YAP1: variants seen among roughly 807,000 people sequenced by gnomAD.
YAP1 encodes the protein transcriptional coactivator YAP1.
Under a neutral mutation model 56.9 loss-of-function variants are expected in YAP1, and 5 were observed. That is an observed-to-expected ratio of 0.09 (90% CI 0.05 to 0.18). YAP1 has a LOEUF of 0.18. YAP1 is among the 10% of genes least tolerant of loss of function. The pLI, the probability that YAP1 is intolerant of heterozygous loss-of-function variation, is 1.00. For missense variants in YAP1, 539 were observed against 651.8 expected (o/e 0.83, Z 1.88); for synonymous variants, 265 against 248.1 (o/e 1.07, Z -0.64).
At chr11:102,151,603 A>G (rs1423862853) in intron 2 of YAP1, among the ~76,000 whole-genome samples, 1 of 152,158 alleles carries the variant, frequency 6.6e-6, no homozygotes, top group Non-Finnish European at 1.5e-5. Context: ...GATCTTTCCC[A>G]CTAGAAGATA....
intron 4 of YAP1, among the ~76,000 whole-genome samples, chr11:102,200,643 C>T (rs2135571659): frequency 6.6e-6 from 1 of 152,088 alleles, no homozygotes; most frequent in East Asian, 1.9e-4. Context: ...TAGGGTTTCA[C>T]CATTTTGGTC....
chr11:102,195,408 A>T (rs554872852), intron 4 of YAP1, among the ~76,000 whole-genome samples: 2 of 152,316 alleles, frequency 1.3e-5, no homozygotes, highest in South Asian at 4.1e-4. Context: ...GTATTTTTGA[A>T]CAGCTAAAGA....
chr11:102,221,270 AT>A (rs1418657004), intron 6 of YAP1, among the ~76,000 whole-genome samples: 1 of 152,220 alleles, frequency 6.6e-6, no homozygotes. Context: ...CAGGCAAACA[AT>A]TTTGGCATTT....
intron 2 of YAP1, among the ~76,000 whole-genome samples, chr11:102,139,794 G>A (rs533476282): frequency 2.0e-5 from 3 of 152,248 alleles, no homozygotes; most frequent in African/African-American, 7.2e-5. Context: ...TGTTTGAGGG[G>A]AATTTGATTT....
At chr11:102,188,997 C>T (rs1021866894) in intron 4 of YAP1, among the ~76,000 whole-genome samples, 4 of 151,832 alleles carry the variant, frequency 2.6e-5, no homozygotes, top group Non-Finnish European at 2.9e-5. Context: ...TATAACAAAT[C>T]ATGAAGTGAC....
chr11:102,141,673 A>G (rs1387771491), intron 2 of YAP1, among the ~76,000 whole-genome samples: 1 of 152,232 alleles, frequency 6.6e-6, no homozygotes, highest in Non-Finnish European at 1.5e-5. Context: ...TTTATCTGTC[A>G]TGGTTTTATA....
In YAP1 at chr11:102,230,657, G is replaced by A. The variant is rs1950404969; in HGVS notation, c.*717G>A. 6.6e-6 allele frequency: 1 copy of A among 152,384 alleles called. No homozygotes were observed. Among genetic ancestry groups the A allele is most frequent in the Admixed American group, 6.6e-5 (1 of 15,232 alleles). 9.4% of individuals were successfully genotyped at this position (152,384 alleles called of 1,614,324 possible). On this transcript the variant is annotated 3_prime_UTR_variant, in exon 9 of 9. Transcript: ENST00000282441. ...GTGTGCATTTTGTTCTGTTTTGTTG[G>A]GTTTTTTGTTTTTTTTGTTTTTGGC...
At chr11:102,139,348 A>G (rs1944869819) in intron 2 of YAP1, among the ~76,000 whole-genome samples, 1 of 152,154 alleles carries the variant, frequency 6.6e-6, no homozygotes, top group African/African-American at 2.4e-5. Flanking sequence ...TCAGGCCTGC[A>G]ATTTGAAGCT....
At chr11:102,162,258 G>A (rs530994691) in intron 2 of YAP1, among the ~76,000 whole-genome samples, 198 bp from the exon 3 acceptor site, 2 of 152,276 alleles carry the variant, frequency 1.3e-5, no homozygotes, top group African/African-American at 4.8e-5. Context: ...GCACTTGTAA[G>A]ATCTAAGAGT....
intron 7 of YAP1, among the ~76,000 whole-genome samples, chr11:102,225,718 C>T (rs140561789): frequency 2.9e-4 from 44 of 152,256 alleles, no homozygotes; most frequent in African/African-American, 9.1e-4. Flanking sequence ...CCTGTTTGTT[C>T]TGAAAGCACT....
intron 4 of YAP1, among the ~76,000 whole-genome samples, chr11:102,204,201 C>G (rs981022397): frequency 7.0e-6 from 1 of 143,338 alleles, no homozygotes; most frequent in Admixed American, 7.3e-5. Flanking sequence ...TGAGACCAGC[C>G]TAGGCAACAT....
At chr11:102,211,860 C>G (rs535959538) in intron 6 of YAP1, among the ~76,000 whole-genome samples, 5 of 152,068 alleles carry the variant, frequency 3.3e-5, no homozygotes, top group South Asian at 2.1e-4. Context: ...CCTGCCACTA[C>G]GCCCAGCTAA....
At chr11:102,176,829 T>C (rs115624189) in intron 3 of YAP1, among the ~76,000 whole-genome samples, 1,699 of 143,862 alleles carry the variant, frequency 0.012, 32 homozygotes, top group African/African-American at 0.039. Flanking sequence ...ACACAGGCTT[T>C]GGGGTGGACA....
intron 2 of YAP1, among the ~76,000 whole-genome samples, chr11:102,123,492 G>A (rs1943814852): frequency 6.6e-6 from 1 of 152,076 alleles, no homozygotes; most frequent in Non-Finnish European, 1.5e-5. Context: ...GCAGAAGAAA[G>A]GGGTACATGG....
chr11:102,133,493 C>T (rs146744062), intron 2 of YAP1, among the ~76,000 whole-genome samples: 43 of 152,220 alleles, frequency 2.8e-4, no homozygotes, highest in African/African-American at 8.4e-4. Context: ...GATGGGGTTT[C>T]AACATGTTGC....
chr11:102,207,439 C>T (rs542181220), intron 5 of YAP1, among the ~76,000 whole-genome samples: 9 of 152,092 alleles, frequency 5.9e-5, no homozygotes, highest in African/African-American at 1.9e-4. Flanking sequence ...TGCCTCTAAT[C>T]CCAACACTTT....
At chr11:102,150,575 C>G (rs1487362883) in intron 2 of YAP1, among the ~76,000 whole-genome samples, 1 of 152,038 alleles carries the variant, frequency 6.6e-6, no homozygotes, top group African/African-American at 2.4e-5. Flanking sequence ...AAATGACATC[C>G]TCGAGTGTAG....
intron 2 of YAP1, among the ~76,000 whole-genome samples, chr11:102,124,856 G>A (rs1401970246): frequency 2.0e-5 from 3 of 152,044 alleles, no homozygotes; most frequent in East Asian, 3.9e-4. Flanking sequence ...CCTCCTCAGT[G>A]TCCTAAGTAG....
At chr11:102,139,920 T>C (rs1321048817) in intron 2 of YAP1, among the ~76,000 whole-genome samples, 1 of 152,204 alleles carries the variant, frequency 6.6e-6, no homozygotes, top group African/African-American at 2.4e-5. Context: ...AATTGTGTTT[T>C]TTATCATCAA....
Sources: allele counts gnomAD v4.1 joint callset (sites outside exome capture counted in the v4.1 genomes callset), GRCh38; gene constraint gnomAD v4.1.1; transcripts MANE v1.5; gene names NCBI Gene and HGNC (gene_info 2026-07-23, HGNC 2026-07-21).